The following PIK3C2G variants were observed in gnomAD, a reference collection of about 807,000 sequenced individuals.
PIK3C2G encodes phosphatidylinositol 3-kinase C2 domain-containing subunit gamma.
PIK3C2G carries 168 observed loss-of-function variants against 181.1 expected under a neutral mutation model. That is an observed-to-expected ratio of 0.93 (90% CI 0.82 to 1.05). PIK3C2G has a LOEUF of 1.05. Among genes scored for constraint, PIK3C2G ranks in the 50% least tolerant of loss-of-function variants. The pLI is 0.00. For synonymous variants in PIK3C2G, 573 were observed against 592.2 expected, an observed-to-expected ratio of 0.97 and a Z score of 0.47; for missense variants, 1,869 against 1,732.8, an observed-to-expected ratio of 1.08 and a Z score of -1.40.
intron 1 of PIK3C2G, among the ~76,000 whole-genome samples, chr12:18,281,528 GA>G (rs144623772): frequency 0.06 from 9,088 of 151,918 alleles, 400 homozygotes; most frequent in Non-Finnish European, 0.093. Flanking sequence ...TTTTTTGGGG[GA>G]AAAAAAGTTT....
At chr12:18,714,189 ATATAGT>A in the PIK3C2G span, among the ~76,000 whole-genome samples, 1 of 152,236 alleles carries the variant, frequency 6.6e-6, no homozygotes, top group East Asian at 1.9e-4. Context: ...ATTCATGCAA[ATATAGT>A]TATAGCGTTA....
At chr12:18,265,847 C>T (rs149389962) in intron 1 of PIK3C2G, among the ~76,000 whole-genome samples, 1 of 151,752 alleles carries the variant, frequency 6.6e-6, no homozygotes, top group African/African-American at 2.4e-5. Context: ...AACCTCATCT[C>T]TACTAAAAAT....
chr12:18,674,793 G>A, the PIK3C2G span, among the ~76,000 whole-genome samples: 1 of 152,126 alleles, frequency 6.6e-6, no homozygotes, highest in Non-Finnish European at 1.5e-5. Flanking sequence ...AAGTGGTATG[G>A]TATGACTTCC....
At chr12:18,603,513 G>A (rs531059650) in intron 30 of PIK3C2G, among the ~76,000 whole-genome samples, 2 of 152,146 alleles carry the variant, frequency 1.3e-5, no homozygotes, top group East Asian at 1.9e-4. Context: ...AATATAAGAA[G>A]CACTAAGAAC....
intron 23 of PIK3C2G, 49 bp from the exon 24 acceptor site, chr12:18,505,243 T>G: frequency 6.8e-7 from 1 of 1,463,622 alleles, no homozygotes; most frequent in Non-Finnish European, 9.3e-7. Context: ...CTAATGCATT[T>G]GCTCATTTTT....
In PIK3C2G at chr12:18,488,461, T is replaced by G; in HGVS notation, c.2517T>G (p.Asn839Lys). The change falls in exon 19 of 33, where the codon AAT (asparagine) becomes AAG (lysine). Residue 839 changes from asparagine (N) to lysine (K), a missense_variant. Transcript: ENST00000538779. ...CTCTTTCCTTCAGGCTGCTAAAAAA[T>G]GCAGAAAATGAAGCTTATTTTAAAA... ...VAHRLYWLLK[N>K]AENEAYFKSW... is the part of the protein sequence containing the mutation. The G allele has an allele frequency of 6.6e-7, 1 of 1,513,706 alleles. No individual in the cohort carries two copies. 93.8% of individuals were successfully genotyped at this position (1,513,706 alleles called of 1,614,324 possible). A position where few individuals can be genotyped will look rare whatever the true frequency, so the allele number is the denominator to read the frequency against.
At chr12:18,635,481 C>T (rs571735985) in intron 31 of PIK3C2G, among the ~76,000 whole-genome samples, 11 of 152,254 alleles carry the variant, frequency 7.2e-5, no homozygotes, top group South Asian at 4.1e-4. Context: ...GGGCACACGG[C>T]GACATGGTGG....
At chr12:18,311,939 C>T (rs990828883) in intron 5 of PIK3C2G, among the ~76,000 whole-genome samples, 12 of 152,012 alleles carry the variant, frequency 7.9e-5, no homozygotes, top group Non-Finnish European at 1.8e-4. Flanking sequence ...TCCAAGAGTC[C>T]CAAAGCTGAA....
Position 18,337,877 on chromosome 12 carries a change from T to C in PIK3C2G, c.1273-549T>C, listed in dbSNP as rs1466274206. Among the ~76,000 whole-genome samples, 6 of 152,176 alleles carry C rather than the reference T, an allele frequency of 3.9e-5. No homozygotes were observed. The South Asian group carries it at 1.0e-3, about 26-fold the overall frequency. On this transcript the variant is annotated intron_variant, in intron 8 of 32. Transcript: ENST00000538779. Reference sequence around the variant, plus strand: ...GAAAAATCAGTCACTTCAAGGATAGTGCAATCAGATGATTATCAAACACCT... The same window carrying C: ...GAAAAATCAGTCACTTCAAGGATAGCGCAATCAGATGATTATCAAACACCT...
At chr12:18,367,416 T>C (rs1360130499) in intron 12 of PIK3C2G, among the ~76,000 whole-genome samples, 1 of 152,192 alleles carries the variant, frequency 6.6e-6, no homozygotes, top group Non-Finnish European at 1.5e-5. Context: ...TTGACAGTCT[T>C]TAACAATAGA....
At chr12:18,719,772 T>G in the PIK3C2G span, 3 of 497,554 alleles carry the variant, frequency 6.0e-6, no homozygotes, top group African/African-American at 4.0e-5. Flanking sequence ...TAATACTATA[T>G]TTATGTTGTT....
chr12:18,324,017 G>C (rs1195035342), intron 7 of PIK3C2G, among the ~76,000 whole-genome samples: 4 of 151,936 alleles, frequency 2.6e-5, no homozygotes, highest in African/African-American at 9.7e-5. Context: ...TCAGGAGATC[G>C]AGACCATCCT....
At chr12:18,344,300 A>G (rs893843113) in intron 10 of PIK3C2G, among the ~76,000 whole-genome samples, 5 of 152,178 alleles carry the variant, frequency 3.3e-5, no homozygotes, top group African/African-American at 1.2e-4. Flanking sequence ...ACAAAAGTAT[A>G]TCCTCTCAAC....
the PIK3C2G span, among the ~76,000 whole-genome samples, chr12:18,698,884 T>C: frequency 1.3e-5 from 2 of 152,154 alleles, no homozygotes; most frequent in Non-Finnish European, 2.9e-5. Context: ...ATTCTAACTA[T>C]AGTTTTGTAT....
At chr12:18,647,370 T>C (rs537513710) in intron 32 of PIK3C2G, among the ~76,000 whole-genome samples, 63 of 151,364 alleles carry the variant, frequency 4.2e-4, no homozygotes, top group Non-Finnish European at 7.8e-4. Flanking sequence ...TTAGGCAACA[T>C]GATCATTAGA....
Position 18,381,843 on chromosome 12 carries a change from T to G in PIK3C2G, c.1958T>G (p.Val653Gly). 6.2e-7 allele frequency: 1 copy of G among 1,613,460 alleles called. No homozygotes were observed. The highest frequency in any genetic ancestry group is 8.5e-7 in the Non-Finnish European group (1 of 1,179,456). Residue 653 changes from valine (V) to glycine (G), a missense_variant, in exon 14 of 33, where the codon GTG becomes GGG. Transcript: ENST00000538779. ...CCCGTAGAAATGATAACTCCAGGAG[T>G]GTGGGATGTAAGTCAGCCATCCCCG... ...EPPVEMITPGVWDVSQPSPVT... is the reference protein window; with the variant it reads ...EPPVEMITPGGWDVSQPSPVT...
chr12:18,568,141 C>A (rs1381924691), intron 29 of PIK3C2G, among the ~76,000 whole-genome samples: 1 of 152,124 alleles, frequency 6.6e-6, no homozygotes, highest in Non-Finnish European at 1.5e-5. Context: ...TCTGCAAAGT[C>A]TCTTTTGCCA....
In PIK3C2G at chr12:18,414,514, T is replaced by A. The variant is rs975479248; in HGVS notation, c.2316-6427T>A. 3.9e-5 allele frequency among the ~76,000 whole-genome samples: 6 copies of A among 152,168 alleles called. No homozygotes were observed. In the East Asian group the frequency reaches 5.8e-4, roughly 15 times the overall value. On this transcript the variant is annotated intron_variant, in intron 16 of 32. Coordinates refer to ENST00000538779, the MANE Select transcript of PIK3C2G (RefSeq NM_001288772.2). ...TCTTAGTATTTTTATTTCATTAAAC[T>A]TTTTTACTATTTTTAAGGAATGCAT...
intron 13 of PIK3C2G, among the ~76,000 whole-genome samples, chr12:18,374,823 G>T (rs959879102): frequency 6.6e-6 from 1 of 152,074 alleles, no homozygotes; most frequent in Admixed American, 6.6e-5. Flanking sequence ...TGGTTGTTTG[G>T]AAGTGTGTGG....
Sources: allele counts gnomAD v4.1 joint callset (sites outside exome capture counted in the v4.1 genomes callset), GRCh38; gene constraint gnomAD v4.1.1; transcripts MANE v1.5; gene names NCBI Gene and HGNC (gene_info 2026-07-23, HGNC 2026-07-21).